The following ZFPM2 variants were observed in gnomAD, a reference collection of about 807,000 sequenced individuals.
The protein encoded by ZFPM2 is zinc finger protein, FOG family member 2.
In ZFPM2, 20 loss-of-function variants were observed where a neutral mutation model predicts 98.6. The observed-to-expected ratio is 0.20, with a 90% CI of 0.14 to 0.29. The LOEUF is 0.29. Ranked by LOEUF, ZFPM2 falls within the 10% of genes least tolerant of loss-of-function variation. The pLI is 1.00. For missense variants in ZFPM2, 1,310 were observed against 1,388.6 expected (o/e 0.94, Z 0.90); for synonymous variants, 518 against 502.7 (o/e 1.03, Z -0.41).
At chr8:105,320,582 A>G (rs906231473) in intron 1 of ZFPM2, among the ~76,000 whole-genome samples, 2 of 152,158 alleles carry the variant, frequency 1.3e-5, no homozygotes, top group African/African-American at 4.8e-5. Flanking sequence ...ATAAGATATG[A>G]TTATAAACAT....
At chr8:105,460,226 G>A (rs1160966444) in intron 3 of ZFPM2, among the ~76,000 whole-genome samples, 2 of 152,178 alleles carry the variant, frequency 1.3e-5, no homozygotes, top group Admixed American at 6.5e-5. Flanking sequence ...AACATAGCAA[G>A]CAAAGCTGGG....
chr8:105,463,127 G>A (rs1812733405), intron 3 of ZFPM2, among the ~76,000 whole-genome samples: 2 of 152,008 alleles, frequency 1.3e-5, no homozygotes, highest in Non-Finnish European at 2.9e-5. Context: ...AAACCATAGA[G>A]TCCAAGATAG....
intron 4 of ZFPM2, among the ~76,000 whole-genome samples, chr8:105,582,898 T>C (rs1349459279): frequency 6.6e-6 from 1 of 152,166 alleles, no homozygotes. Context: ...CCCTCCTGTT[T>C]TCAGTTTTTA....
chr8:105,572,077 G>A (rs533416364), intron 4 of ZFPM2, among the ~76,000 whole-genome samples: 92 of 129,856 alleles, frequency 7.1e-4, no homozygotes, highest in African/African-American at 2.5e-3. Context: ...TGGCTCTGTC[G>A]CCCAGGCTGG....
At chr8:105,598,030 T>A (rs1021738809) in intron 4 of ZFPM2, among the ~76,000 whole-genome samples, 8 of 151,438 alleles carry the variant, frequency 5.3e-5, no homozygotes, top group African/African-American at 1.7e-4. Flanking sequence ...CTCTCTAGAC[T>A]GTTATAACAT....
At chr8:105,537,709 A>G (rs1168471278) in intron 3 of ZFPM2, among the ~76,000 whole-genome samples, 1 of 151,238 alleles carries the variant, frequency 6.6e-6, no homozygotes, top group Non-Finnish European at 1.5e-5. Flanking sequence ...AAGAAATATT[A>G]TAATATATTT....
chr8:105,571,200 T>C (rs1815347759), intron 4 of ZFPM2, among the ~76,000 whole-genome samples: 2 of 152,186 alleles, frequency 1.3e-5, no homozygotes, highest in South Asian at 2.1e-4. Flanking sequence ...TTCCCACACA[T>C]AGGGATCCTT....
chr8:105,466,539 T>A (rs1483897515), intron 3 of ZFPM2, among the ~76,000 whole-genome samples: 1 of 152,070 alleles, frequency 6.6e-6, no homozygotes. Flanking sequence ...CCTTTTAATT[T>A]ACATGTTCAC....
At chr8:105,619,159 TA>T (rs1816478247) in intron 4 of ZFPM2, among the ~76,000 whole-genome samples, 1 of 152,100 alleles carries the variant, frequency 6.6e-6, no homozygotes, top group South Asian at 2.1e-4. Flanking sequence ...ACTATAAAAT[TA>T]AAGTGTGGTT....
intron 3 of ZFPM2, among the ~76,000 whole-genome samples, chr8:105,469,505 T>C (rs1812857400): frequency 6.6e-6 from 1 of 152,328 alleles, no homozygotes; most frequent in East Asian, 1.9e-4. Context: ...CATTCATGCA[T>C]GCATGCATTC....
At chr8:105,790,735 G>C (rs1813583943) in intron 6 of ZFPM2, among the ~76,000 whole-genome samples, 1 of 152,166 alleles carries the variant, frequency 6.6e-6, no homozygotes, top group African/African-American at 2.4e-5. Context: ...AGCATGGAGT[G>C]TTCTTCCATT....
intron 5 of ZFPM2, among the ~76,000 whole-genome samples, chr8:105,684,462 C>T (rs1036948885): frequency 1.3e-5 from 2 of 151,692 alleles, no homozygotes; most frequent in African/African-American, 2.4e-5. Context: ...ATCAAAGCAG[C>T]GGGTATGGGG....
In ZFPM2 at chr8:105,441,618, G is replaced by T. The variant is rs561359687; in HGVS notation, c.200-2662G>T. Among the ~76,000 whole-genome samples the T allele has an allele frequency of 2.0e-5, 3 of 151,966 alleles. No individual in the cohort carries two copies. In the East Asian group the frequency reaches 5.8e-4, roughly 29 times the overall value. On this transcript the variant is annotated intron_variant, in intron 2 of 7. Coordinates refer to ENST00000407775, the MANE Select transcript of ZFPM2 (RefSeq NM_012082.4). The stretch of plus-strand genomic sequence containing the variant: ...GGGCCAGCAAGAAGGGACAAGCAGA[G>T]AATGTCCAGGAGACATTAGGGTTCT...
intron 5 of ZFPM2, among the ~76,000 whole-genome samples, chr8:105,692,926 A>C (rs1810922097): frequency 6.6e-6 from 1 of 152,200 alleles, no homozygotes; most frequent in Admixed American, 6.5e-5. Flanking sequence ...TGCACAGAGC[A>C]ATGACATTTT....
chr8:105,640,482 T>G (rs950083822), intron 5 of ZFPM2, among the ~76,000 whole-genome samples: 1 of 152,046 alleles, frequency 6.6e-6, no homozygotes, highest in Non-Finnish European at 1.5e-5. Context: ...AGTTCTGATT[T>G]TGCAAGGTTC....
At chr8:105,723,398 C>A (rs1360067539) in intron 5 of ZFPM2, among the ~76,000 whole-genome samples, 1 of 151,866 alleles carries the variant, frequency 6.6e-6, no homozygotes, top group Non-Finnish European at 1.5e-5. Context: ...CCTTTCCATA[C>A]AGTACCATGT....
chr8:105,484,798 G>A (rs1284727772), intron 3 of ZFPM2, among the ~76,000 whole-genome samples: 2 of 152,152 alleles, frequency 1.3e-5, no homozygotes, highest in Non-Finnish European at 2.9e-5. Context: ...TTCTTAGGGG[G>A]CCTTCATCTA....
At chr8:105,520,191 C>CA (rs1814020340) in intron 3 of ZFPM2, among the ~76,000 whole-genome samples, 1 of 151,856 alleles carries the variant, frequency 6.6e-6, no homozygotes, top group South Asian at 2.1e-4. Context: ...TTGTTTAAGG[C>CA]AAACATTTTC....
rs796338555 is a variant in ZFPM2, at chr8:105,404,042, A to ACAG, written c.41-15096_41-15094dup. On this transcript the variant is annotated intron_variant, in intron 1 of 7. Transcript: ENST00000407775. ...AACAACAACAACAACAACAACAACA[A>ACAG]CAGCAGCATAGATTTGGCCCTAGGC... Among the ~76,000 whole-genome samples, 186 of 138,238 alleles carry ACAG rather than the reference A, an allele frequency of 1.3e-3. 1 individual carries two copies. Among genetic ancestry groups the ACAG allele is most frequent in the African/African-American group, 3.8e-3 (137 of 36,106 alleles). 90.7% of individuals were successfully genotyped at this position (138,238 alleles called of 152,430 possible). A position where few individuals can be genotyped will look rare whatever the true frequency, so the allele number is the denominator to read the frequency against.
Sources: allele counts gnomAD v4.1 joint callset (sites outside exome capture counted in the v4.1 genomes callset), GRCh38; gene constraint gnomAD v4.1.1; transcripts MANE v1.5; gene names NCBI Gene and HGNC (gene_info 2026-07-23, HGNC 2026-07-21).